The following CCDC73 variants were observed in gnomAD, a reference collection of about 807,000 sequenced individuals.
CCDC73 encodes the protein coiled-coil domain containing 73.
CCDC73 carries 95 observed loss-of-function variants against 116.5 expected under a neutral mutation model. That is an observed-to-expected ratio of 0.82 (90% CI 0.69 to 0.97). The LOEUF (loss-of-function observed/expected upper bound fraction) is 0.97, where lower values mean the gene tolerates loss of function less well. Ranked by LOEUF, CCDC73 falls within the 50% of genes least tolerant of loss-of-function variation. The probability of loss-of-function intolerance (pLI) is 0.00; values close to 1 mark genes in which losing one functional copy is unlikely to be tolerated. For synonymous variants in CCDC73, 398 were observed against 401.3 expected, an observed-to-expected ratio of 0.99 and a Z score of 0.10; for missense variants, 1,066 against 1,206.8, an observed-to-expected ratio of 0.88 and a Z score of 1.73.
chr11:32,756,883 T>C (rs1020393415), intron 2 of CCDC73, among the ~76,000 whole-genome samples: 2 of 152,102 alleles, frequency 1.3e-5, no homozygotes, highest in African/African-American at 4.8e-5. Flanking sequence ...GCAATAAAGA[T>C]TTGGGAGGGC....
At chr11:32,809,527 G>A in the CCDC73 span, among the ~76,000 whole-genome samples, 12 of 152,306 alleles carry the variant, frequency 7.9e-5, no homozygotes, top group Non-Finnish European at 1.6e-4. Context: ...GGAGTTTCCA[G>A]ATCCTGGAGC....
intron 14 of CCDC73, among the ~76,000 whole-genome samples, chr11:32,619,836 T>G (rs1590547715): frequency 9.0e-6 from 1 of 111,664 alleles, no homozygotes; most frequent in African/African-American, 3.5e-5. Context: ...AGAAGAAGAA[T>G]GAGGAAGAGG....
intron 2 of CCDC73, among the ~76,000 whole-genome samples, chr11:32,729,565 T>A (rs754512717): frequency 6.6e-6 from 1 of 152,176 alleles, no homozygotes; most frequent in African/African-American, 2.4e-5. Context: ...GTGGGTCAAA[T>A]GGTATTTCTG....
chr11:32,759,899 T>C (rs1850376488), intron 2 of CCDC73, among the ~76,000 whole-genome samples: 1 of 152,310 alleles, frequency 6.6e-6, no homozygotes, highest in South Asian at 2.1e-4. Flanking sequence ...AAAACTCTTC[T>C]TTTATTTTGT....
At chr11:32,645,872 C>T (rs1565065357) in intron 12 of CCDC73, among the ~76,000 whole-genome samples, 1 of 152,148 alleles carries the variant, frequency 6.6e-6, no homozygotes, top group African/African-American at 2.4e-5. Context: ...CCATCTTACA[C>T]GTGGTCTGTC....
At chr11:32,740,100 T>G (rs1402648564) in intron 2 of CCDC73, among the ~76,000 whole-genome samples, 16 of 152,084 alleles carry the variant, frequency 1.1e-4, no homozygotes, top group Non-Finnish European at 2.4e-4. Context: ...TGAGAATTTT[T>G]GTATCAATGT....
At chr11:32,639,752 T>C (rs897103605) in intron 13 of CCDC73, among the ~76,000 whole-genome samples, 4 of 152,072 alleles carry the variant, frequency 2.6e-5, no homozygotes, top group Non-Finnish European at 4.4e-5. Context: ...CCCGGCCAAA[T>C]TGAATTCTTT....
chr11:32,738,616 A>G (rs1218214653), intron 2 of CCDC73, among the ~76,000 whole-genome samples: 1 of 151,976 alleles, frequency 6.6e-6, no homozygotes, highest in African/African-American at 2.4e-5. Context: ...TGTCAGATTG[A>G]TCATTTGCAA....
At chr11:32,741,913 G>A (rs975240001) in intron 2 of CCDC73, among the ~76,000 whole-genome samples, 2 of 151,890 alleles carry the variant, frequency 1.3e-5, no homozygotes, top group African/African-American at 4.8e-5. Context: ...GTGGTGTTTG[G>A]TTTTCTGATC....
intron 2 of CCDC73, among the ~76,000 whole-genome samples, chr11:32,753,663 A>G (rs866306266): frequency 6.6e-6 from 1 of 152,022 alleles, no homozygotes; most frequent in South Asian, 2.1e-4. Flanking sequence ...ATGGGGCTTC[A>G]CCATGTTGGC....
At chr11:32,703,806 C>T (rs537172877) in intron 3 of CCDC73, among the ~76,000 whole-genome samples, 35 of 152,102 alleles carry the variant, frequency 2.3e-4, no homozygotes, top group Non-Finnish European at 4.3e-4. Flanking sequence ...GGAAGTTGCA[C>T]GTTCTGTTCT....
intron 1 of CCDC73, chr11:32,794,244 A>G (rs1289536332): frequency 6.6e-6 from 1 of 152,188 alleles, no homozygotes; most frequent in Non-Finnish European, 1.5e-5. Flanking sequence ...ATTGCATTGC[A>G]TTCATAAGGC....
At chr11:32,698,718 G>A (rs955289989) in intron 6 of CCDC73, among the ~76,000 whole-genome samples, 1 of 152,094 alleles carries the variant, frequency 6.6e-6, no homozygotes, top group African/African-American at 2.4e-5. Context: ...TTTTTGTCTT[G>A]TTTATCATTG....
intron 2 of CCDC73, among the ~76,000 whole-genome samples, chr11:32,747,807 AG>A (rs1324321838): frequency 2.0e-5 from 3 of 152,212 alleles, no homozygotes; most frequent in African/African-American, 7.2e-5. Context: ...ACCATGGTAA[AG>A]TGCAGTATTT....
At chr11:32,807,246 A>G in the CCDC73 span, among the ~76,000 whole-genome samples, 2 of 152,178 alleles carry the variant, frequency 1.3e-5, no homozygotes, top group South Asian at 4.1e-4. Context: ...TGCATTTATG[A>G]AAACAATTTG....
At chr11:32,771,573 T>C (rs944225087) in intron 1 of CCDC73, among the ~76,000 whole-genome samples, 4 of 152,218 alleles carry the variant, frequency 2.6e-5, no homozygotes, top group Non-Finnish European at 4.4e-5. Flanking sequence ...CAAATAATTT[T>C]TTAGTCCATA....
intron 6 of CCDC73, among the ~76,000 whole-genome samples, chr11:32,692,735 G>A (rs189021178): frequency 8.5e-5 from 13 of 152,200 alleles, no homozygotes; most frequent in Admixed American, 4.6e-4. Context: ...TTACAAAATG[G>A]TCTTGTTTGG....
intron 2 of CCDC73, among the ~76,000 whole-genome samples, chr11:32,749,110 T>C (rs1850264679): frequency 6.6e-6 from 1 of 152,178 alleles, no homozygotes; most frequent in Admixed American, 6.5e-5. Flanking sequence ...TTCTCTGTTA[T>C]TATCCCATTG....
chr11:32,804,148 G>A, the CCDC73 span, among the ~76,000 whole-genome samples: 5 of 151,138 alleles, frequency 3.3e-5, no homozygotes, highest in East Asian at 1.9e-4. Context: ...ACATCATTTC[G>A]TTTTTTTTGA....
Sources: allele counts gnomAD v4.1 joint callset (sites outside exome capture counted in the v4.1 genomes callset), GRCh38; gene constraint gnomAD v4.1.1; transcripts MANE v1.5; gene names NCBI Gene and HGNC (gene_info 2026-07-23, HGNC 2026-07-21).